Variants in KANSL1 observed in about 807,000 individuals in gnomAD.
The protein encoded by KANSL1 is KAT8 regulatory NSL complex subunit 1, also known as MLL1/MLL complex subunit KANSL1.
KANSL1 carries 22 observed loss-of-function variants against 103.6 expected under a neutral mutation model. The observed-to-expected ratio is 0.21, with a 90% CI of 0.15 to 0.30. The LOEUF is 0.30. Among genes scored for constraint, KANSL1 ranks in the 10% least tolerant of loss-of-function variants. The pLI, the probability that KANSL1 is intolerant of heterozygous loss-of-function variation, is 1.00. For missense variants in KANSL1, 1,337 were observed against 1,399.8 expected (o/e 0.96, Z 0.72); for synonymous variants, 600 against 527.6 (o/e 1.14, Z -1.88).
intron 2 of KANSL1, among the ~76,000 whole-genome samples, chr17:46,110,709 A>G (rs2042765894): frequency 6.6e-6 from 1 of 152,232 alleles, no homozygotes. Flanking sequence ...AATATATGCT[A>G]TTTAGAAATA....
chr17:46,105,889 A>C (rs2147059969), intron 2 of KANSL1, among the ~76,000 whole-genome samples: 1 of 120,874 alleles, frequency 8.3e-6, no homozygotes, highest in Non-Finnish European at 1.9e-5. Context: ...ACACACACAC[A>C]CACAGAGCAA....
intron 1 of KANSL1, among the ~76,000 whole-genome samples, chr17:46,177,197 GATGAA>G (rs1261493656): frequency 1.3e-5 from 2 of 152,200 alleles, no homozygotes; most frequent in African/African-American, 4.8e-5. Flanking sequence ...ATGCTATGAT[GATGAA>G]ATAAGATACT....
At chr17:46,168,777 C>T (rs113577955) in intron 2 of KANSL1, among the ~76,000 whole-genome samples, 77 of 152,280 alleles carry the variant, frequency 5.1e-4, no homozygotes, top group African/African-American at 1.8e-3. Flanking sequence ...GAGGATTCAA[C>T]TGATCCCAAA....
At chr17:46,105,939 ACACACACACCCC>A (rs2042537248) in intron 2 of KANSL1, among the ~76,000 whole-genome samples, 11 of 77,200 alleles carry the variant, frequency 1.4e-4, no homozygotes, top group African/African-American at 3.6e-4. Flanking sequence ...ACACACACAC[ACACACACACCCC>A]CCCAGAAGGG....
At chr17:46,083,942 C>T (rs2079069138) in intron 3 of KANSL1, among the ~76,000 whole-genome samples, 1 of 152,008 alleles carries the variant, frequency 6.6e-6, no homozygotes, top group Admixed American at 6.6e-5. Context: ...ATACAAGCTG[C>T]AGAAAAGGGG....
intron 2 of KANSL1, among the ~76,000 whole-genome samples, chr17:46,149,223 G>C (rs1331229043): frequency 6.6e-6 from 1 of 151,794 alleles, no homozygotes; most frequent in Non-Finnish European, 1.5e-5. Flanking sequence ...GGATGGTCTC[G>C]ATCTCCTGAC....
intron 4 of KANSL1, among the ~76,000 whole-genome samples, chr17:46,069,479 T>C (rs2146685607): frequency 6.6e-6 from 1 of 152,260 alleles, no homozygotes; most frequent in Non-Finnish European, 1.5e-5. Context: ...GTGTGGTGGC[T>C]CATGCCTGTA....
Position 46,039,184 on chromosome 17 carries a change from C to G in KANSL1, c.2235G>C (p.Arg745Ser), listed in dbSNP as rs995942850. The G allele has an allele frequency of 6.3e-7, 1 of 1,596,238 alleles. No homozygotes were observed. Among genetic ancestry groups the G allele is most frequent in the Middle Eastern group, 1.7e-4 (1 of 5,742 alleles). The change falls in exon 9 of 15, where the codon AGG becomes AGC. Residue 745 changes from arginine to serine, a missense_variant. By Grantham distance (110) the Arg-to-Ser change is moderately radical. Coordinates refer to ENST00000432791, the MANE Select transcript of KANSL1 (RefSeq NM_015443.4). ...KLSHHQTRPD[R>S]THRQHLDDVG... Reference sequence around the variant, plus strand: ...CATCGTCTAAGTGCTGCCTGTGGGTCCTGTCAGGCCGGGTTTGGTGATGGG... The same window carrying G: ...CATCGTCTAAGTGCTGCCTGTGGGTGCTGTCAGGCCGGGTTTGGTGATGGG...
chr17:46,128,719 T>C (rs1402762107), intron 2 of KANSL1, among the ~76,000 whole-genome samples: 1 of 152,158 alleles, frequency 6.6e-6, no homozygotes, highest in Non-Finnish European at 1.5e-5. Flanking sequence ...ACAGCATGGC[T>C]GGAGCACAGA....
At chr17:46,137,701 A>C (rs2044219151) in intron 2 of KANSL1, among the ~76,000 whole-genome samples, 1 of 151,448 alleles carries the variant, frequency 6.6e-6, no homozygotes, top group South Asian at 2.1e-4. Context: ...GTCTCTACTA[A>C]AAAAAAATAC....
intron 2 of KANSL1, among the ~76,000 whole-genome samples, chr17:46,121,545 G>A (rs1275227302): frequency 6.6e-6 from 1 of 152,118 alleles, no homozygotes; most frequent in Admixed American, 6.5e-5. Context: ...CTTTTTCCCT[G>A]ATGACCCTAT....
intron 4 of KANSL1, among the ~76,000 whole-genome samples, chr17:46,068,589 AAC>A (rs549275970): frequency 6.6e-6 from 1 of 151,936 alleles, no homozygotes; most frequent in African/African-American, 2.4e-5. Flanking sequence ...TAAATAAATA[AAC>A]ACACACACAC....
intron 1 of KANSL1, chr17:46,222,653 A>G (rs917640753): frequency 3.9e-5 from 6 of 152,332 alleles, no homozygotes; most frequent in African/African-American, 1.4e-4. Context: ...AAGTCCAGAT[A>G]TTTAGGTTAC....
chr17:46,075,972 T>C (rs1295622901), intron 4 of KANSL1, among the ~76,000 whole-genome samples: 1 of 152,228 alleles, frequency 6.6e-6, no homozygotes, highest in East Asian at 1.9e-4. Context: ...TTATGCTTGT[T>C]GGAAGAACAA....
chr17:46,090,267 C>G (rs1353647152), intron 3 of KANSL1, among the ~76,000 whole-genome samples: 2 of 152,234 alleles, frequency 1.3e-5, no homozygotes, highest in Non-Finnish European at 2.9e-5. Context: ...GACCATGGCC[C>G]TTTTGACACC....
At chr17:46,174,191 T>C (rs1487781659) in intron 1 of KANSL1, among the ~76,000 whole-genome samples, 1 of 112,342 alleles carries the variant, frequency 8.9e-6, no homozygotes, top group Non-Finnish European at 2.4e-5. Flanking sequence ...GGTGTGGATG[T>C]GTGTGTGTGT....
intron 2 of KANSL1, among the ~76,000 whole-genome samples, chr17:46,169,310 A>C (rs1462882840): frequency 1.3e-5 from 2 of 152,248 alleles, no homozygotes; most frequent in African/African-American, 4.8e-5. Context: ...ACAGAAGTGG[A>C]CTTGAGCACA....
intron 2 of KANSL1, among the ~76,000 whole-genome samples, chr17:46,149,803 C>T (rs1383730877): frequency 5.3e-5 from 8 of 151,450 alleles, no homozygotes; most frequent in South Asian, 4.2e-4. Flanking sequence ...GTCAGGAGAT[C>T]GAGACCATCC....
At chr17:46,151,602 A>G (rs1030228728) in intron 2 of KANSL1, among the ~76,000 whole-genome samples, 1 of 152,208 alleles carries the variant, frequency 6.6e-6, no homozygotes, top group Non-Finnish European at 1.5e-5. Context: ...AAACTGTAAT[A>G]TCTTATTGGC....
Sources: allele counts gnomAD v4.1 joint callset (sites outside exome capture counted in the v4.1 genomes callset), GRCh38; gene constraint gnomAD v4.1.1; transcripts MANE v1.5; gene names NCBI Gene and HGNC (gene_info 2026-07-23, HGNC 2026-07-21).